Variants in NOMO2 observed in about 807,000 individuals in gnomAD.
NOMO2 encodes the protein NODAL modulator 2.
In NOMO2, 14 loss-of-function variants were observed where a neutral mutation model predicts 67.1. The observed-to-expected ratio is 0.21, with a 90% CI of 0.14 to 0.33. NOMO2 has a LOEUF of 0.33. Ranked by LOEUF, NOMO2 falls within the 10% of genes least tolerant of loss-of-function variation. The pLI is 1.00. For missense variants in NOMO2, 178 were observed against 761.0 expected, an observed-to-expected ratio of 0.23 and a Z score of 9.01; for synonymous variants, 80 against 305.9, an observed-to-expected ratio of 0.26 and a Z score of 7.71.
intron 16 of NOMO2, among the ~76,000 whole-genome samples, chr16:18,526,764 G>A (rs1245582439): frequency 6.6e-6 from 1 of 152,048 alleles, no homozygotes; most frequent in East Asian, 1.9e-4. Context: ...CTGTCAATGG[G>A]CACAGAGGAT....
chr16:18,551,281 C>T (rs1396824931), intron 4 of NOMO2, among the ~76,000 whole-genome samples, 158 bp downstream of exon 4: 1 of 151,944 alleles, frequency 6.6e-6, no homozygotes, highest in Non-Finnish European at 1.5e-5. Context: ...GCGTTCTACA[C>T]GGATGAAGTA....
intron 6 of NOMO2, among the ~76,000 whole-genome samples, chr16:18,544,728 ACT>A (rs1901626849): frequency 6.6e-6 from 1 of 151,896 alleles, no homozygotes; most frequent in African/African-American, 2.4e-5. Context: ...GCTCAATTAA[ACT>A]CTGTTTAATT....
chr16:18,562,053 C>T lies in NOMO2; in HGVS notation c.-13G>A. 4 of 1,438,068 alleles carry T rather than the reference C, an allele frequency of 2.8e-6. No homozygotes were observed. In the South Asian group the frequency reaches 4.4e-5, roughly 16 times the overall value. 89.1% of individuals were successfully genotyped at this position (1,438,068 alleles called of 1,614,324 possible). A position where few individuals can be genotyped will look rare whatever the true frequency, so the allele number is the denominator to read the frequency against. On this transcript the variant is annotated 5_prime_UTR_variant, in exon 1 of 31. Transcript: ENST00000622306. ...GGCCCACCAGCATGGCCCGACCTCCCCCAGCTAGACCCACCGCCGGCAGCC... is the reference window on the plus strand; with the variant it reads ...GGCCCACCAGCATGGCCCGACCTCCTCCAGCTAGACCCACCGCCGGCAGCC...
intron 6 of NOMO2, among the ~76,000 whole-genome samples, chr16:18,544,762 C>G (rs966497064): frequency 6.6e-6 from 1 of 151,770 alleles, no homozygotes; most frequent in African/African-American, 2.4e-5. Context: ...GTTCTTTTCA[C>G]AATATGTGTA....
At chr16:18,554,425 T>C (rs995760863) in intron 3 of NOMO2, among the ~76,000 whole-genome samples, 2 of 151,968 alleles carry the variant, frequency 1.3e-5, no homozygotes, top group Admixed American at 6.6e-5. Context: ...AATCTTTAAA[T>C]GTTTCAATTA....
chr16:18,561,173 T>A (rs1477361417), intron 1 of NOMO2, among the ~76,000 whole-genome samples: 10 of 32,460 alleles, frequency 3.1e-4, no homozygotes, highest in South Asian at 3.6e-3. Context: ...ACAACTTAAT[T>A]AAAAAAAAAA....
In NOMO2 at chr16:18,538,515, G is replaced by A. The variant is rs376740829; in HGVS notation, c.1220+11C>T. The A allele has an allele frequency of 1.2e-5, 20 of 1,613,348 alleles. No individual in the cohort carries two copies. Among genetic ancestry groups the A allele is most frequent in the South Asian group, 3.3e-5 (3 of 91,032 alleles). On this transcript the variant is annotated intron_variant, in intron 11 of 30. Coordinates refer to ENST00000622306, the MANE Select transcript of NOMO2 (RefSeq NM_173614.4). ...TTTACTGGTGCTTCCAAATCCACAC[G>A]ATAAGCTTACCCTGTTGCAACAATG...
chr16:18,531,369 G>T (rs1901293758), intron 13 of NOMO2, 97 bp downstream of exon 13: 14 of 1,603,002 alleles, frequency 8.7e-6, no homozygotes, highest in Non-Finnish European at 1.0e-5. Context: ...GTGATCAGTA[G>T]CAAACAACAA....
chr16:18,553,550 G>A (rs2141754472), intron 3 of NOMO2, among the ~76,000 whole-genome samples: 1 of 151,460 alleles, frequency 6.6e-6, no homozygotes, highest in East Asian at 1.9e-4. Context: ...CCAGGATGGG[G>A]ACTTCTGGGG....
At chr16:18,560,213 T>A (rs955682091) in intron 1 of NOMO2, among the ~76,000 whole-genome samples, 19 of 152,104 alleles carry the variant, frequency 1.2e-4, no homozygotes, top group Admixed American at 1.2e-3. Context: ...ATGAAATGTC[T>A]GATTTCAGAA....
chr16:18,531,683 T>G, intron 12 of NOMO2, 76 bp from the exon 13 acceptor site: 1 of 1,598,774 alleles, frequency 6.3e-7, no homozygotes, highest in South Asian at 1.1e-5. Flanking sequence ...CGCTAGAACA[T>G]TCATCTGGGA....
In NOMO2 at chr16:18,550,612, CT is replaced by C. The variant is rs1901762174; in HGVS notation, c.402+826del. 8.5e-5 allele frequency among the ~76,000 whole-genome samples: 13 copies of C among 152,052 alleles called. No individual in the cohort carries two copies. In the South Asian group the frequency reaches 2.3e-3, roughly 27 times the overall value. ...CAGGGCGGGTGGAAGAGAAATGACT[CT>C]CCCCTGAGAATCTGAATCGCGGGAG... On this transcript the variant is annotated intron_variant, in intron 4 of 30. Coordinates refer to ENST00000622306, the MANE Select transcript of NOMO2 (RefSeq NM_173614.4).
intron 14 of NOMO2, 113 bp downstream of exon 14, chr16:18,530,924 C>T: frequency 2.7e-6 from 1 of 375,778 alleles, no homozygotes; most frequent in South Asian, 2.3e-5. Flanking sequence ...GCAAAGACGA[C>T]TTAAAACAAG....
rs1237126209 is a variant in NOMO2, at chr16:18,531,703, A to T, written c.1396-96T>A. On this transcript the variant is annotated intron_variant, in intron 12 of 30. Coordinates refer to ENST00000622306, the MANE Select transcript of NOMO2 (RefSeq NM_173614.4). ...GAACATTCATCTGGGACTAAGGCTA[A>T]AGAGATTTTGAAGGCCAAAGGTTCG... The T allele has an allele frequency of 8.3e-6, 13 of 1,571,908 alleles. No homozygotes were observed. The African/African-American group carries it at 1.6e-4, about 20-fold the overall frequency.
At chr16:18,525,974 C>T (rs1901136668) in intron 16 of NOMO2, among the ~76,000 whole-genome samples, 1 of 151,878 alleles carries the variant, frequency 6.6e-6, no homozygotes, top group Admixed American at 6.6e-5. Context: ...TGCCACACTT[C>T]TTTATTGAGC....
At chr16:18,542,457 TAA>T (rs1393488438) in intron 8 of NOMO2, 135 bp downstream of exon 8, 11 of 834,434 alleles carry the variant, frequency 1.3e-5, no homozygotes, top group Non-Finnish European at 2.2e-5. Flanking sequence ...TGTCTCATCT[TAA>T]GTAAGTTACT....
At chr16:18,528,220 A>T (rs1596844409) in intron 15 of NOMO2, 1 of 254,482 alleles carries the variant, frequency 3.9e-6, no homozygotes, top group African/African-American at 2.4e-5. Context: ...CCGGCGAGTG[A>T]GGGGACAGTG....
At chr16:18,539,339 C>G (rs1224678244) in intron 9 of NOMO2, among the ~76,000 whole-genome samples, 1 of 151,846 alleles carries the variant, frequency 6.6e-6, no homozygotes, top group Non-Finnish European at 1.5e-5. Flanking sequence ...CATGCACACC[C>G]CGGCATCACT....
intron 2 of NOMO2, among the ~76,000 whole-genome samples, chr16:18,557,208 G>C (rs1370728681): frequency 7.4e-4 from 113 of 151,876 alleles, no homozygotes; most frequent in Admixed American, 1.6e-3. Flanking sequence ...AAAATTGGAG[G>C]GAAAAGGGTA....
Sources: gnomAD v4.1 joint callset for allele counts (sites outside exome capture counted in the v4.1 genomes callset) on GRCh38, gnomAD v4.1.1 for gene constraint, MANE v1.5 for transcripts, NCBI Gene and HGNC (gene_info 2026-07-23, HGNC 2026-07-21) for gene names.